The following STRN3 variants were observed in gnomAD, a reference collection of about 807,000 sequenced individuals.
STRN3 encodes the protein striatin-3.
In STRN3, 29 loss-of-function variants were observed where a neutral mutation model predicts 95.6. The ratio of observed to expected loss-of-function variants is 0.30; its 90% CI spans 0.23 to 0.41. The LOEUF (loss-of-function observed/expected upper bound fraction) is 0.41. STRN3 is among the 10% of genes least tolerant of loss of function. STRN3 has a pLI of 1.00. For missense variants in STRN3, 890 were observed against 972.1 expected, an observed-to-expected ratio of 0.92 and a Z score of 1.12; for synonymous variants, 331 against 357.6, an observed-to-expected ratio of 0.93 and a Z score of 0.84.
chr14:31,008,452 G>A (rs1594577143), intron 1 of STRN3, among the ~76,000 whole-genome samples: 2 of 152,132 alleles, frequency 1.3e-5, no homozygotes, highest in South Asian at 4.1e-4. Context: ...AGACTGCAGT[G>A]AGCCATGATT....
chr14:30,980,220 G>A (rs1423081833), intron 1 of STRN3, among the ~76,000 whole-genome samples: 8 of 151,912 alleles, frequency 5.3e-5, no homozygotes, highest in Non-Finnish European at 1.2e-4. Context: ...ACTACAGCTG[G>A]GATGACAGAG....
At chr14:30,936,388 A>G in intron 6 of STRN3, 107 bp downstream of exon 6, 1 of 1,011,124 alleles carries the variant, frequency 9.9e-7, no homozygotes, top group Non-Finnish European at 1.3e-6. Flanking sequence ...ACCAATATGT[A>G]AAGTAAAGAT....
intron 1 of STRN3, among the ~76,000 whole-genome samples, chr14:30,991,602 C>G (rs1250126940): frequency 6.6e-6 from 1 of 152,036 alleles, no homozygotes; most frequent in Admixed American, 6.6e-5. Flanking sequence ...GTGTTCTAAG[C>G]AGAGGAAACA....
chr14:30,943,793 T>C (rs7150699), intron 5 of STRN3, among the ~76,000 whole-genome samples: 22,012 of 151,862 alleles, frequency 0.14, 1,813 homozygotes, highest in South Asian at 0.33. Flanking sequence ...GAAGGACAAA[T>C]ATTGCATGAG....
rs115309845 is a variant in STRN3 at position 31,007,551 on chromosome 14, G to A, written c.282+18353C>T. ...TCTATATTGGAATATGATGAAAGGAGATATAAGATGTGTAATAAATCCTAC... is the reference window on the plus strand; with the variant it reads ...TCTATATTGGAATATGATGAAAGGAAATATAAGATGTGTAATAAATCCTAC... On this transcript the variant is annotated intron_variant, in intron 1 of 17. Coordinates refer to ENST00000357479, the MANE Select transcript of STRN3 (RefSeq NM_001083893.2). Among the ~76,000 whole-genome samples, 729 of 152,264 alleles carry A rather than the reference G, an allele frequency of 4.8e-3. 7 individuals are homozygous for A. The highest frequency in any genetic ancestry group is 0.016 in the African/African-American group (684 of 41,552).
chr14:30,922,101 C>A (rs1251958415), intron 8 of STRN3, among the ~76,000 whole-genome samples: 1 of 152,038 alleles, frequency 6.6e-6, no homozygotes, highest in Non-Finnish European at 1.5e-5. Flanking sequence ...GTTGTCCAGG[C>A]TGGTCTTGAA....
intron 1 of STRN3, among the ~76,000 whole-genome samples, chr14:30,958,190 G>A (rs562227269): frequency 1.5e-3 from 230 of 150,260 alleles, no homozygotes; most frequent in Non-Finnish European, 2.0e-3. Flanking sequence ...GCATGTTCCT[G>A]TAGACTTAGC....
chr14:30,912,315 T>A, intron 10 of STRN3, 133 bp from the exon 11 acceptor site: 1 of 745,228 alleles, frequency 1.3e-6, no homozygotes, highest in Non-Finnish European at 2.0e-6. Flanking sequence ...AGTGGAAATT[T>A]AATGTACCTT....
intron 1 of STRN3, among the ~76,000 whole-genome samples, chr14:30,997,836 G>C (rs964200945): frequency 6.6e-6 from 1 of 152,174 alleles, no homozygotes; most frequent in Non-Finnish European, 1.5e-5. Context: ...AAAAAAGGCA[G>C]AGTGGAGACC....
intron 1 of STRN3, among the ~76,000 whole-genome samples, chr14:30,996,703 TAA>T (rs1882213440): frequency 6.6e-6 from 1 of 152,026 alleles, no homozygotes; most frequent in South Asian, 2.1e-4. Context: ...CCATCTCTAC[TAA>T]AAATACAAAA....
At chr14:30,994,771 G>A (rs2139271409) in intron 1 of STRN3, among the ~76,000 whole-genome samples, 1 of 152,302 alleles carries the variant, frequency 6.6e-6, no homozygotes, top group Non-Finnish European at 1.5e-5. Context: ...GGACTACTGA[G>A]TGCCTCATAA....
chr14:30,936,423 A>G, intron 6 of STRN3, 72 bp downstream of exon 6: 1 of 1,501,736 alleles, frequency 6.7e-7, no homozygotes, highest in Non-Finnish European at 9.0e-7. Context: ...AATGTAACTT[A>G]AGATATCTTA....
intron 1 of STRN3, among the ~76,000 whole-genome samples, chr14:30,965,701 C>T (rs1880454849): frequency 7.1e-6 from 1 of 141,814 alleles, no homozygotes; most frequent in Non-Finnish European, 1.5e-5. Flanking sequence ...GTAATCTCAA[C>T]TACTCAGGAA....
intron 16 of STRN3, among the ~76,000 whole-genome samples, chr14:30,899,755 CTCT>C (rs928930305): frequency 4.6e-5 from 7 of 152,050 alleles, no homozygotes; most frequent in African/African-American, 1.7e-4. Context: ...CCCCCACCCC[CTCT>C]TATTTCCTCT....
Position 30,947,217 on chromosome 14 carries a change from A to G in STRN3, c.589T>C (p.Ser197Pro), listed in dbSNP as rs11845272. 6.2e-7 allele frequency: 1 copy of G among 1,611,524 alleles called. No individual in the cohort carries two copies. The highest frequency in any genetic ancestry group is 1.1e-5 in the South Asian group (1 of 90,504). Residue 197 changes from serine (S) to proline (P), a missense_variant, in exon 5 of 18, where the codon TCT becomes CCT. Coordinates refer to ENST00000357479, the MANE Select transcript of STRN3 (RefSeq NM_001083893.2). ...CCAAGTAATGACCTTACCCGCTGAG[A>G]CCGTACATCTAATATTGTATCTGTA... ...GYTDTILDVR[S>P]QRVRSLLGLS...
chr14:30,910,946 A>C (rs1364459878), intron 13 of STRN3, 95 bp downstream of exon 13: 1 of 1,386,034 alleles, frequency 7.2e-7, no homozygotes, highest in Non-Finnish European at 9.8e-7. Context: ...GAGGTGACTA[A>C]TATAGGTTTA....
chr14:31,025,704 T>C (rs1267428840), intron 1 of STRN3, 200 bp downstream of exon 1: 8 of 774,140 alleles, frequency 1.0e-5, no homozygotes, highest in Admixed American at 9.3e-5. Context: ...CCAGTGAAGG[T>C]TGGGGAGCAA....
intron 1 of STRN3, among the ~76,000 whole-genome samples, chr14:30,995,861 A>C (rs771231053): frequency 2.6e-5 from 4 of 152,236 alleles, no homozygotes; most frequent in African/African-American, 4.8e-5. Flanking sequence ...TTTATTGTCC[A>C]GCTGCTGAGA....
At chr14:30,984,041 A>G (rs992237021) in intron 1 of STRN3, among the ~76,000 whole-genome samples, 8 of 151,706 alleles carry the variant, frequency 5.3e-5, no homozygotes, top group Non-Finnish European at 1.5e-5. Context: ...AGCAACAACA[A>G]CAAAAAGGAT....
Sources: gnomAD v4.1 joint callset for allele counts (sites outside exome capture counted in the v4.1 genomes callset) on GRCh38, gnomAD v4.1.1 for gene constraint, MANE v1.5 for transcripts, NCBI Gene and HGNC (gene_info 2026-07-23, HGNC 2026-07-21) for gene names.